Variants in RPL39L observed in about 807,000 individuals in gnomAD.
RPL39L encodes ribosomal protein L39 like, also known as ribosomal protein eL39-like 2.
For missense variants in RPL39L, 48 were observed against 58.9 expected, an observed-to-expected ratio of 0.81 and a Z score of 0.61; for synonymous variants, 16 against 20.1, an observed-to-expected ratio of 0.80 and a Z score of 0.55.
At chr3:187,137,488 C>T (rs1720600259) in intron 1 of RPL39L, among the ~76,000 whole-genome samples, 1 of 151,346 alleles carries the variant, frequency 6.6e-6, no homozygotes, top group Non-Finnish European at 1.5e-5. Flanking sequence ...CCAGCCTGGG[C>T]AACAGAGTAA....
chr3:187,137,573 G>A (rs1449510519), intron 1 of RPL39L, among the ~76,000 whole-genome samples: 1 of 151,992 alleles, frequency 6.6e-6, no homozygotes, highest in East Asian at 1.9e-4. Flanking sequence ...AGCACTTTGG[G>A]AGGCTGATGC....
chr3:187,121,049 A>G lies in RPL39L; in HGVS notation c.*96T>C. The G allele has an allele frequency of 7.4e-7, 1 of 1,351,612 alleles. No individual in the cohort carries two copies. Among genetic ancestry groups the G allele is most frequent in the Non-Finnish European group, 1.0e-6 (1 of 956,936 alleles). The allele number at this position is 1,351,612 out of a possible 1,614,324, so 83.7% of individuals were successfully genotyped here. On this transcript the variant is annotated 3_prime_UTR_variant, in exon 3 of 3. Coordinates refer to ENST00000296277, the MANE Select transcript of RPL39L (RefSeq NM_052969.3). ...AAATATTCCCAGTAAAACATGTGCA[A>G]CTGTCCAGGTAGTGGTGACATTTTC... is the stretch of plus-strand genomic sequence containing the variant.
At position 187,121,079 on chromosome 3, in the gene RPL39L, T is replaced by C; in HGVS notation, c.*66A>G. 6.4e-7 allele frequency: 1 copy of C among 1,563,482 alleles called. No homozygotes were observed. Among genetic ancestry groups the C allele is most frequent in the Non-Finnish European group, 8.8e-7 (1 of 1,139,460 alleles). On this transcript the variant is annotated 3_prime_UTR_variant, in exon 3 of 3. Coordinates refer to ENST00000296277, the MANE Select transcript of RPL39L (RefSeq NM_052969.3). ...CCAGGTAGTGGTGACATTTTCAGCT[T>C]GATATCGTAAGATGATCGTGAACTT...
chr3:187,137,164 A>G (rs1256834149), intron 1 of RPL39L, among the ~76,000 whole-genome samples: 1 of 131,066 alleles, frequency 7.6e-6, no homozygotes, highest in Non-Finnish European at 1.5e-5. Context: ...GAGTCAATGC[A>G]CTCCAGCTTG....
chr3:187,134,323 G>C (rs1720535439), intron 1 of RPL39L, among the ~76,000 whole-genome samples: 1 of 152,038 alleles, frequency 6.6e-6, no homozygotes, highest in Non-Finnish European at 1.5e-5. Context: ...AGTATCTGGA[G>C]ATATTTTTGG....
chr3:187,121,811 G>C (rs564967073), intron 2 of RPL39L, among the ~76,000 whole-genome samples: 61 of 152,206 alleles, frequency 4.0e-4, no homozygotes, highest in Non-Finnish European at 8.1e-4. Context: ...GCAGAATATT[G>C]TCTTTCTATA....
intron 1 of RPL39L, among the ~76,000 whole-genome samples, chr3:187,134,114 T>C (rs746204639): frequency 2.0e-5 from 3 of 152,096 alleles, no homozygotes; most frequent in Non-Finnish European, 4.4e-5. Context: ...TTGATTAATA[T>C]ATTAATCATA....
intron 1 of RPL39L, among the ~76,000 whole-genome samples, chr3:187,137,802 A>C (rs1337014354): frequency 6.7e-6 from 1 of 148,696 alleles, no homozygotes; most frequent in Non-Finnish European, 1.5e-5. Context: ...CACTCCAGCG[A>C]CAGAAGGATA....
chr3:187,121,895 T>C (rs1274704434), intron 2 of RPL39L, among the ~76,000 whole-genome samples: 2 of 152,232 alleles, frequency 1.3e-5, no homozygotes, highest in East Asian at 3.9e-4. Context: ...TTGGCAACTC[T>C]TTCTCAATAA....
intron 2 of RPL39L, among the ~76,000 whole-genome samples, chr3:187,126,297 G>A (rs1003520352): frequency 6.6e-6 from 1 of 151,886 alleles, no homozygotes; most frequent in African/African-American, 2.4e-5. Context: ...GAGTATCTGG[G>A]ATTACAGGCG....
chr3:187,134,770 C>T (rs1246371704), intron 1 of RPL39L, among the ~76,000 whole-genome samples: 1 of 152,170 alleles, frequency 6.6e-6, no homozygotes, highest in African/African-American at 2.4e-5. Context: ...GCCCAAATGG[C>T]TTCACTACCA....
intron 1 of RPL39L, among the ~76,000 whole-genome samples, chr3:187,134,468 C>G (rs1304637296): frequency 8.4e-6 from 1 of 118,532 alleles, no homozygotes; most frequent in Non-Finnish European, 1.6e-5. Flanking sequence ...GCCCAAACTA[C>G]TTTAGCCTGA....
intron 1 of RPL39L, among the ~76,000 whole-genome samples, chr3:187,134,500 A>AAAG: frequency 6.6e-6 from 1 of 151,870 alleles, no homozygotes; most frequent in African/African-American, 2.4e-5. Flanking sequence ...AAAAAAAAAA[A>AAAG]AAGAAGACAC....
intron 1 of RPL39L, among the ~76,000 whole-genome samples, chr3:187,130,494 G>A (rs972706425): frequency 1.3e-5 from 2 of 152,024 alleles, no homozygotes; most frequent in Non-Finnish European, 2.9e-5. Context: ...AAAGTGTGTG[G>A]TACTTCCCTT....
intron 1 of RPL39L, among the ~76,000 whole-genome samples, chr3:187,136,273 C>G (rs909608305): frequency 6.6e-6 from 1 of 152,170 alleles, no homozygotes; most frequent in Non-Finnish European, 1.5e-5. Context: ...AAGAAGTCAG[C>G]CCAAGGATGC....
Position 187,121,021 on chromosome 3 carries a change from A to C in RPL39L, c.*124T>G. The C allele has an allele frequency of 8.9e-7, 1 of 1,119,396 alleles. No homozygotes were observed. The highest frequency in any genetic ancestry group is 1.4e-5 in the South Asian group (1 of 69,718). The allele number at this position is 1,119,396 out of a possible 1,614,324, so 69.3% of individuals were successfully genotyped here. ...AGCACAGAGCATACAGAAAAACAGA[A>C]AAAAATATTCCCAGTAAAACATGTG... On this transcript the variant is annotated 3_prime_UTR_variant, in exon 3 of 3. Coordinates refer to ENST00000296277, the MANE Select transcript of RPL39L (RefSeq NM_052969.3).
intron 1 of RPL39L, among the ~76,000 whole-genome samples, chr3:187,136,976 G>A (rs1579415995): frequency 6.6e-6 from 1 of 150,574 alleles, no homozygotes; most frequent in South Asian, 2.1e-4. Context: ...GAGGCGAGAG[G>A]ATTGCTTCAA....
In RPL39L at chr3:187,121,227, T is replaced by C. The variant is rs747530501; in HGVS notation, c.74A>G (p.Gln25Arg). 2 of 1,613,932 alleles carry C rather than the reference T, an allele frequency of 1.2e-6. No individual in the cohort carries two copies. The highest frequency in any genetic ancestry group is 1.7e-6 in the Non-Finnish European group (2 of 1,179,846). Reference protein sequence around the residue: ...KKQKQNRPIPQWIQMKPGSKI... With the variant: ...KKQKQNRPIPRWIQMKPGSKI... ...ACTACCAGGTTTCATCTGAATCCAC[T>C]GGGGGATGGGACGATTTTGCTTTTG... is the stretch of plus-strand genomic sequence containing the variant. The change falls in exon 3 of 3, where the codon CAG (glutamine) becomes CGG (arginine). Residue 25 changes from glutamine (Q) to arginine (R), a missense_variant. Physicochemically the swap from Gln to Arg is conservative, Grantham distance 43. Transcript: ENST00000296277.
At chr3:187,130,703 A>G (rs1720471614) in intron 1 of RPL39L, among the ~76,000 whole-genome samples, 1 of 152,242 alleles carries the variant, frequency 6.6e-6, no homozygotes, top group African/African-American at 2.4e-5. Flanking sequence ...ATATTTCCTT[A>G]CAGCAATGTA....
Sources: gnomAD v4.1 joint callset for allele counts (sites outside exome capture counted in the v4.1 genomes callset) on GRCh38, gnomAD v4.1.1 for gene constraint, MANE v1.5 for transcripts, NCBI Gene and HGNC (gene_info 2026-07-23, HGNC 2026-07-21) for gene names.